The following SOX6 variants were observed in gnomAD, a reference collection of about 807,000 sequenced individuals.
SOX6 encodes SRY-box transcription factor 6, also known as transcription factor SOX-6.
In SOX6, 11 loss-of-function variants were observed where a neutral mutation model predicts 97.8. That is an observed-to-expected ratio of 0.11 (90% CI 0.07 to 0.19). The LOEUF (loss-of-function observed/expected upper bound fraction) is 0.19. SOX6 is among the 10% of genes least tolerant of loss of function. SOX6 has a pLI of 1.00. For missense variants in SOX6, 810 were observed against 1,039.5 expected (o/e 0.78, Z 3.04); for synonymous variants, 360 against 371.4 (o/e 0.97, Z 0.35).
At chr11:16,594,742 G>GT (rs1478908630) in intron 4 of SOX6, among the ~76,000 whole-genome samples, 1 of 113,974 alleles carries the variant, frequency 8.8e-6, no homozygotes, top group Non-Finnish European at 1.6e-5. Context: ...CCAGGCTGTA[G>GT]TGCAGTGGCG....
intron 9 of SOX6, among the ~76,000 whole-genome samples, chr11:16,056,851 A>G (rs189502091): frequency 1.5e-4 from 23 of 152,314 alleles, no homozygotes; most frequent in African/African-American, 5.5e-4. Context: ...AAAGCCAAAG[A>G]TTGAAAGACA....
At chr11:16,015,567 C>T (rs1252564786) in intron 12 of SOX6, among the ~76,000 whole-genome samples, 1 of 151,982 alleles carries the variant, frequency 6.6e-6, no homozygotes, top group Non-Finnish European at 1.5e-5. Context: ...TATTTTGTCT[C>T]AGAATTTCAA....
At chr11:16,282,870 T>C (rs888877114) in intron 3 of SOX6, among the ~76,000 whole-genome samples, 3 of 150,364 alleles carry the variant, frequency 2.0e-5, no homozygotes, top group Non-Finnish European at 4.5e-5. Context: ...ATTAATGTTC[T>C]TACTACTTGA....
rs144141666 is a variant in SOX6, at chr11:16,087,838, G to A, written c.1101+8158C>T. 2.8e-3 allele frequency among the ~76,000 whole-genome samples: 419 copies of A among 152,072 alleles called. 2 individuals are homozygous for A. The highest frequency in any genetic ancestry group is 9.7e-3 in the African/African-American group (401 of 41,494). On this transcript the variant is annotated intron_variant, in intron 9 of 15. Transcript: ENST00000683767. Reference sequence around the variant, plus strand: ...GGGACTTTGTTTTATTCATTGATACGTCCCCACTATGTAAAATAGGTGTTC... The same window carrying A: ...GGGACTTTGTTTTATTCATTGATACATCCCCACTATGTAAAATAGGTGTTC...
At chr11:16,447,809 A>T (rs1410544803) in intron 1 of SOX6, among the ~76,000 whole-genome samples, 2 of 152,224 alleles carry the variant, frequency 1.3e-5, no homozygotes, top group Non-Finnish European at 2.9e-5. Flanking sequence ...GGAGTCAATC[A>T]GCATGACTAC....
intron 4 of SOX6, among the ~76,000 whole-genome samples, chr11:16,581,823 G>A (rs1193785914): frequency 3.3e-5 from 5 of 151,832 alleles, no homozygotes; most frequent in East Asian, 1.9e-4. Flanking sequence ...TTAGCCAGGC[G>A]TGGTGGCACG....
rs375274792 is a variant in SOX6, at chr11:16,451,119, C to T, written c.-5+25196G>A. The stretch of plus-strand genomic sequence containing the variant: ...TGGTGGCACATGCCTGTAGTCCCAG[C>T]TGCTTGGGAGGCTGAGGCAGGAGGA... On this transcript the variant is annotated intron_variant, in intron 1 of 15. Coordinates refer to the SOX6 transcript ENST00000396356. Among the ~76,000 whole-genome samples the T allele has an allele frequency of 1.1e-3, 174 of 152,102 alleles. 1 individual carries two copies. Among genetic ancestry groups the T allele is most frequent in the South Asian group, 7.7e-3 (37 of 4,810 alleles).
At chr11:16,371,571 C>G (rs780063338) in intron 1 of SOX6, among the ~76,000 whole-genome samples, 1 of 152,066 alleles carries the variant, frequency 6.6e-6, no homozygotes, top group East Asian at 1.9e-4. Context: ...CAATCCCCAG[C>G]TGGTGCCTAG....
intron 1 of SOX6, among the ~76,000 whole-genome samples, chr11:16,371,333 A>G (rs1233355844): frequency 6.6e-6 from 1 of 151,852 alleles, no homozygotes; most frequent in Non-Finnish European, 1.5e-5. Context: ...TTTATTCTCA[A>G]TGATACCCTC....
intron 3 of SOX6, among the ~76,000 whole-genome samples, chr11:16,237,601 C>T (rs1565039313): frequency 6.6e-6 from 1 of 151,922 alleles, no homozygotes; most frequent in East Asian, 1.9e-4. Context: ...GCAAAGAAGG[C>T]CTGTTTGCAT....
chr11:16,460,101 T>C (rs775294590), intron 1 of SOX6, among the ~76,000 whole-genome samples: 1 of 151,878 alleles, frequency 6.6e-6, no homozygotes, highest in Non-Finnish European at 1.5e-5. Flanking sequence ...AAGAAACATA[T>C]ATAAGAATTA....
In SOX6 at chr11:16,051,084, C is replaced by T. The variant is rs546686996; in HGVS notation, c.1252-1146G>A. ...ACTAGATGATCTCTAAGGTCTCTTC[C>T]AGTACTAATATCATTGATTAAGGGG... is the stretch of plus-strand genomic sequence containing the variant. On this transcript the variant is annotated intron_variant, in intron 10 of 15. Coordinates refer to ENST00000683767, the MANE Select transcript of SOX6 (RefSeq NM_001367873.1). 7.9e-5 allele frequency among the ~76,000 whole-genome samples: 12 copies of T among 151,738 alleles called. No homozygotes were observed. In the South Asian group the frequency reaches 2.5e-3, roughly 32 times the overall value.
At chr11:16,564,872 A>G (rs1028718117) in intron 4 of SOX6, among the ~76,000 whole-genome samples, 1 of 152,014 alleles carries the variant, frequency 6.6e-6, no homozygotes, top group African/African-American at 2.4e-5. Flanking sequence ...AAAATCTTAA[A>G]TCAATAATCT....
intron 4 of SOX6, among the ~76,000 whole-genome samples, chr11:16,223,349 G>C (rs1469241478): frequency 6.6e-6 from 1 of 151,982 alleles, no homozygotes. Context: ...ATAAGAAAAT[G>C]CTACAAAAAT....
chr11:16,725,328 G>C (rs559603013), intron 2 of SOX6, among the ~76,000 whole-genome samples: 1 of 152,046 alleles, frequency 6.6e-6, no homozygotes, highest in Non-Finnish European at 1.5e-5. Flanking sequence ...GTTAGACACC[G>C]GTGTGGACAA....
At chr11:16,445,708 T>C (rs1302395796) in intron 1 of SOX6, among the ~76,000 whole-genome samples, 6 of 152,106 alleles carry the variant, frequency 3.9e-5, no homozygotes, top group African/African-American at 1.2e-4. Context: ...CCTGAGTTCA[T>C]TGAAGCTTAG....
Position 16,622,922 on chromosome 11 carries a change from T to C in SOX6, n.430-10662A>G, listed in dbSNP as rs1848566052. Among the ~76,000 whole-genome samples, 3 of 152,160 alleles carry C rather than the reference T, an allele frequency of 2.0e-5. No homozygotes were observed. The South Asian group carries it at 6.2e-4, about 32-fold the overall frequency. On this transcript the variant is annotated intron_variant and non_coding_transcript_variant, in intron 3 of 5. Coordinates refer to the SOX6 transcript ENST00000524520. ...TTCACCATATCCACACTAACATCTA[T>C]TTCTTTTTGTTTGTTTTGTTTTCTG...
At chr11:16,140,716 G>T (rs1479849350) in intron 6 of SOX6, among the ~76,000 whole-genome samples, 1 of 152,132 alleles carries the variant, frequency 6.6e-6, no homozygotes, top group Non-Finnish European at 1.5e-5. Context: ...TACCAGCAAA[G>T]ACAACAGAAT....
At chr11:16,011,801 C>A (rs954351558) in intron 13 of SOX6, among the ~76,000 whole-genome samples, 4 of 152,016 alleles carry the variant, frequency 2.6e-5, no homozygotes, top group African/African-American at 9.7e-5. Context: ...CCAGAGGAAA[C>A]CTGTATGGAC....
Sources: allele counts gnomAD v4.1 joint callset (sites outside exome capture counted in the v4.1 genomes callset), GRCh38; gene constraint gnomAD v4.1.1; transcripts MANE v1.5; gene names NCBI Gene and HGNC (gene_info 2026-07-23, HGNC 2026-07-21).